ZDHHC23: variants seen among roughly 807,000 people sequenced by gnomAD.
ZDHHC23 encodes zDHHC palmitoyltransferase 23.
ZDHHC23 carries 41 observed loss-of-function variants against 40.2 expected under a neutral mutation model. That is an observed-to-expected ratio of 1.02 (90% CI 0.79 to 1.32). ZDHHC23 has a LOEUF of 1.32. Among genes scored for constraint, ZDHHC23 ranks in the 40% most tolerant of loss-of-function variants. ZDHHC23 has a pLI of 0.00. For synonymous variants in ZDHHC23, 204 were observed against 210.2 expected, an observed-to-expected ratio of 0.97 and a Z score of 0.26; for missense variants, 471 against 541.5, an observed-to-expected ratio of 0.87 and a Z score of 1.29.
the ZDHHC23 span, among the ~76,000 whole-genome samples, chr3:113,979,400 C>T: frequency 1.3e-5 from 2 of 152,182 alleles, no homozygotes; most frequent in Admixed American, 1.3e-4. Flanking sequence ...TAACCACTGT[C>T]TAATTGAGGA....
chr3:113,957,431 C>CA (rs1939337000), intron 4 of ZDHHC23: 2 of 346,298 alleles, frequency 5.8e-6, no homozygotes, highest in Admixed American at 8.3e-5. Context: ...TTTCCTTCCT[C>CA]ACTGTGTGGA....
chr3:113,955,979 C>T (rs1939189862), intron 3 of ZDHHC23, among the ~76,000 whole-genome samples: 1 of 152,210 alleles, frequency 6.6e-6, no homozygotes, highest in Non-Finnish European at 1.5e-5. Context: ...CGCAGTGGCT[C>T]ATGCCTGTAA....
intron 4 of ZDHHC23, among the ~76,000 whole-genome samples, 187 bp downstream of exon 4, chr3:113,956,693 T>TA (rs1939256637): frequency 6.6e-6 from 1 of 152,334 alleles, no homozygotes; most frequent in Non-Finnish European, 1.5e-5. Flanking sequence ...AGGGTGCTGT[T>TA]AAAAGGATTG....
At chr3:113,965,067 GTGTA>G (rs919408085), downstream of ZDHHC23, 9 of 664,222 alleles carry the variant, frequency 1.4e-5, no homozygotes, top group Middle Eastern at 2.9e-4. Context: ...AATAAACCAG[GTGTA>G]TGTATGTATG....
chr3:113,973,084 A>T, the ZDHHC23 span, among the ~76,000 whole-genome samples: 1 of 152,004 alleles, frequency 6.6e-6, no homozygotes, highest in Admixed American at 6.6e-5. Context: ...TACTATGGCA[A>T]TTTTTTCTTT....
chr3:113,976,954 A>G, the ZDHHC23 span, among the ~76,000 whole-genome samples: 5 of 152,118 alleles, frequency 3.3e-5, no homozygotes, highest in African/African-American at 1.2e-4. Flanking sequence ...CTGTTTTCCC[A>G]CTCCACTGAT....
chr3:113,968,231 A>G (rs1420122216), downstream of ZDHHC23, among the ~76,000 whole-genome samples: 1 of 152,160 alleles, frequency 6.6e-6, no homozygotes, highest in Non-Finnish European at 1.5e-5. Flanking sequence ...TAATGGCTGT[A>G]CTAATTTACA....
At chr3:113,965,402 G>C (rs760171191), downstream of ZDHHC23, 3 of 1,354,372 alleles carry the variant, frequency 2.2e-6, no homozygotes, top group Admixed American at 4.6e-5. Flanking sequence ...TTGAGAAAAA[G>C]TTGGCTTTCC....
intron 4 of ZDHHC23, 69 bp downstream of exon 4, chr3:113,956,575 TTAC>T: frequency 6.8e-7 from 1 of 1,476,734 alleles, no homozygotes; most frequent in Non-Finnish European, 9.1e-7. Flanking sequence ...ACAGGGACTA[TTAC>T]TACTTGGTTA....
At chr3:113,972,680 T>C in the ZDHHC23 span, among the ~76,000 whole-genome samples, 1 of 152,196 alleles carries the variant, frequency 6.6e-6, no homozygotes, top group Non-Finnish European at 1.5e-5. Context: ...TGAAGTCCCC[T>C]ATGATTGTAT....
intron 4 of ZDHHC23, 33 bp from the exon 5 acceptor site, chr3:113,958,330 C>G: frequency 3.2e-6 from 5 of 1,563,346 alleles, no homozygotes; most frequent in Non-Finnish European, 4.4e-6. Flanking sequence ...TTGACAAAAA[C>G]GGCAGCCCTG....
the ZDHHC23 span, among the ~76,000 whole-genome samples, chr3:113,979,238 A>C: frequency 6.6e-6 from 1 of 152,166 alleles, no homozygotes; most frequent in African/African-American, 2.4e-5. Context: ...TGAAGACCAC[A>C]GTGATTTGCT....
At chr3:113,973,424 C>T in the ZDHHC23 span, among the ~76,000 whole-genome samples, 1 of 151,944 alleles carries the variant, frequency 6.6e-6, no homozygotes, top group African/African-American at 2.4e-5. Context: ...CAACTGTTTT[C>T]TTTTTGTGTT....
rs1013803207 is a variant in ZDHHC23, at chr3:113,954,096, C to T, written c.558C>T (p.His186=). Residue 186 remains histidine, a synonymous_variant, in exon 3 of 5, where the codon CAC becomes CAT. Transcript: ENST00000638807. ...CGLFLILLAL[H]RAKKNPGYLS... is the part of the protein sequence containing the mutation. Reference sequence around the variant, plus strand: ...TATTTCTGATACTCTTAGCCTTGCACAGAGCCAAGAAGAATCCAGGCTACC... The same window carrying T: ...TATTTCTGATACTCTTAGCCTTGCATAGAGCCAAGAAGAATCCAGGCTACC... 1.2e-6 allele frequency: 2 copies of T among 1,614,192 alleles called. No homozygotes were observed. Among genetic ancestry groups the T allele is most frequent in the Non-Finnish European group, 8.5e-7 (1 of 1,180,044 alleles).
At chr3:113,976,263 T>TA in the ZDHHC23 span, among the ~76,000 whole-genome samples, 440 of 137,410 alleles carry the variant, frequency 3.2e-3, 3 homozygotes, top group Middle Eastern at 7.5e-3. Flanking sequence ...TGTCTCAGGG[T>TA]AAAAAAAAAA....
At position 113,960,824 on chromosome 3, in the gene ZDHHC23, G is replaced by C; in HGVS notation, c.*2194G>C. The C allele has an allele frequency of 6.7e-7, 1 of 1,495,876 alleles. No homozygotes were observed. The highest frequency in any genetic ancestry group is 8.9e-7 in the Non-Finnish European group (1 of 1,129,034). 92.7% of individuals were successfully genotyped at this position (1,495,876 alleles called of 1,614,324 possible). On this transcript the variant is annotated 3_prime_UTR_variant, in exon 5 of 5. Transcript: ENST00000638807. ...AAGATACTTGTTTTAAGTTCCTTGAGAACCCATGATGGACAGTTGACAGAA... is the reference window on the plus strand; with the variant it reads ...AAGATACTTGTTTTAAGTTCCTTGACAACCCATGATGGACAGTTGACAGAA...
At chr3:113,974,594 A>C in the ZDHHC23 span, among the ~76,000 whole-genome samples, 3 of 152,130 alleles carry the variant, frequency 2.0e-5, no homozygotes, top group African/African-American at 7.2e-5. Context: ...TGCTGGGATT[A>C]AGGTATGAGC....
the ZDHHC23 span, among the ~76,000 whole-genome samples, chr3:113,976,773 A>G: frequency 6.6e-6 from 1 of 152,136 alleles, no homozygotes; most frequent in African/African-American, 2.4e-5. Context: ...TCATTTTATG[A>G]GAGAGGAACA....
In ZDHHC23 at chr3:113,953,846, T is replaced by C. The variant is rs1938915461; in HGVS notation, c.308T>C (p.Leu103Pro). The C allele has an allele frequency of 6.2e-7, 1 of 1,614,218 alleles. No individual in the cohort carries two copies. Among genetic ancestry groups the C allele is most frequent in the African/African-American group, 1.3e-5 (1 of 75,042 alleles). Residue 103 changes from leucine (L) to proline (P), a missense_variant, in exon 3 of 5, where the codon CTT becomes CCT. Around this residue, in one of 3 missense-constraint regions of ZDHHC23, gnomAD observed 42 missense variants for 73.9 expected, o/e 0.57. Transcript: ENST00000638807. ...CCGCTTGTCCTGCTGCCTGTCTTCCTTCATGTGGCTTCCTGGCATTTCCTC... is the reference window on the plus strand; with the variant it reads ...CCGCTTGTCCTGCTGCCTGTCTTCCCTCATGTGGCTTCCTGGCATTTCCTC... ...IPPLVLLPVF[L>P]HVASWHFLLG... is the part of the protein sequence containing the mutation.
Sources: gnomAD v4.1 joint callset for allele counts (sites outside exome capture counted in the v4.1 genomes callset) on GRCh38, gnomAD v4.1.1 for gene constraint, gnomAD v4.1.1 regional missense constraint, MANE v1.5 for transcripts, NCBI Gene and HGNC (gene_info 2026-07-23, HGNC 2026-07-21) for gene names.